IL12RB2: variants seen among roughly 807,000 people sequenced by gnomAD.
IL12RB2 encodes interleukin 12 receptor subunit beta 2, also known as interleukin-12 receptor subunit beta-2.
In IL12RB2, 82 loss-of-function variants were observed where a neutral mutation model predicts 89.4. That is an observed-to-expected ratio of 0.92 (90% CI 0.77 to 1.10). IL12RB2 has a LOEUF of 1.10. IL12RB2 is among the 50% of genes least tolerant of loss of function. IL12RB2 has a pLI of 0.00. For synonymous variants in IL12RB2, 368 were observed against 370.1 expected (o/e 0.99, Z 0.07); for missense variants, 963 against 1,031.9 (o/e 0.93, Z 0.92).
rs572505092 is a variant in IL12RB2 at position 67,338,336 on chromosome 1, C to CAAAAAAAA, written c.959-258_959-251dup. ...GAGGCAACAGAGCAAGATCCTGTCT[C>CAAAAAAAA]AAAAAAAAAAAAAAAAAAAAAAAAA... On this transcript the variant is annotated intron_variant, in intron 8 of 16. Transcript: ENST00000674203. 4.8e-3 allele frequency among the ~76,000 whole-genome samples: 192 copies of CAAAAAAAA among 40,110 alleles called. 5 individuals are homozygous for CAAAAAAAA. The highest frequency in any genetic ancestry group is 7.0e-3 in the Non-Finnish European group (125 of 17,760). 26.3% of individuals were successfully genotyped at this position (40,110 alleles called of 152,430 possible).
At chr1:67,319,983 T>C (rs965026303) in intron 2 of IL12RB2, among the ~76,000 whole-genome samples, 14 of 152,218 alleles carry the variant, frequency 9.2e-5, no homozygotes, top group Non-Finnish European at 1.6e-4. Context: ...CTGAATCTGC[T>C]GACCTCTTGA....
At position 67,330,703 on chromosome 1, in the gene IL12RB2, T is replaced by C. The variant is rs758288958; in HGVS notation, c.851T>C (p.Leu284Pro). The C allele has an allele frequency of 3.2e-6, 5 of 1,548,048 alleles. No homozygotes were observed. Among genetic ancestry groups the C allele is most frequent in the Non-Finnish European group, 4.5e-6 (5 of 1,119,830 alleles). ...AAAGGAAGACATGATTTGCTGGATC[T>C]GAAACCATTTACAGAATATGAATTT... ...KAKGRHDLLD[L>P]KPFTEYEFQI... is the part of the protein sequence containing the mutation. Residue 284 changes from leucine (L) to proline (P), a missense_variant, in exon 8 of 17, where the codon CTG becomes CCG. Leu to Pro is a moderately conservative substitution (Grantham distance 98). Transcript: ENST00000674203.
intron 10 of IL12RB2, among the ~76,000 whole-genome samples, chr1:67,364,327 G>T (rs1254294195): frequency 6.6e-6 from 1 of 152,156 alleles, no homozygotes; most frequent in Non-Finnish European, 1.5e-5. Context: ...GGGGGTGGAG[G>T]CTGCAGTAAG....
rs757366123 is a variant in IL12RB2, at chr1:67,320,357, A to C, written c.-12A>C. On this transcript the variant is annotated 5_prime_UTR_variant, in exon 3 of 17. Coordinates refer to ENST00000674203, the MANE Select transcript of IL12RB2 (RefSeq NM_001374259.2). Reference sequence around the variant, plus strand: ...GGAAGAATACGGAGTTCTATACCAGAGTTGATTGTTGATGGCACATACTTT... The same window carrying C: ...GGAAGAATACGGAGTTCTATACCAGCGTTGATTGTTGATGGCACATACTTT... 6.2e-7 allele frequency: 1 copy of C among 1,613,944 alleles called. No individual in the cohort carries two copies. The highest frequency in any genetic ancestry group is 1.1e-5 in the South Asian group (1 of 91,076).
intron 14 of IL12RB2, among the ~76,000 whole-genome samples, chr1:67,386,349 C>T (rs1331971274): frequency 6.6e-6 from 1 of 152,042 alleles, no homozygotes; most frequent in African/African-American, 2.4e-5. Flanking sequence ...TCTTTCTGAC[C>T]CTGTGAGTCG....
rs111985818 is a variant in IL12RB2 at position 67,391,388 on chromosome 1, T to TACACACAC, written c.2046+1270_2046+1277dup. ...GTGTGTGTGTGTGTGTGTGTGTCTA[T>TACACACAC]ACACACACACACACACAAACTGCTG... On this transcript the variant is annotated intron_variant, in intron 16 of 16. Coordinates refer to ENST00000674203, the MANE Select transcript of IL12RB2 (RefSeq NM_001374259.2). 3.8e-3 allele frequency among the ~76,000 whole-genome samples: 547 copies of TACACACAC among 144,418 alleles called. 3 individuals carry two copies. The highest frequency in any genetic ancestry group is 0.013 in the African/African-American group (513 of 39,202). 94.7% of individuals were successfully genotyped at this position (144,418 alleles called of 152,430 possible). A position where few individuals can be genotyped will look rare whatever the true frequency, so the allele number is the denominator to read the frequency against.
intron 10 of IL12RB2, among the ~76,000 whole-genome samples, chr1:67,353,426 C>T (rs1390570196): frequency 2.6e-5 from 4 of 152,096 alleles, no homozygotes; most frequent in Non-Finnish European, 5.9e-5. Context: ...TAAGATTAGT[C>T]AGCTGTGGTG....
chr1:67,310,678 G>A (rs1654928445), intron 1 of IL12RB2, among the ~76,000 whole-genome samples: 1 of 152,174 alleles, frequency 6.6e-6, no homozygotes, highest in Admixed American at 6.5e-5. Context: ...CTAACAGCTT[G>A]TCATTTAACC....
At chr1:67,326,933 T>G (rs1657381151) in intron 5 of IL12RB2, 84 bp downstream of exon 5, 1 of 972,832 alleles carries the variant, frequency 1.0e-6, no homozygotes, top group African/African-American at 1.8e-5. Context: ...CTTTATTTAT[T>G]TTTATTTTAT....
chr1:67,362,677 C>T (rs1354419132), intron 10 of IL12RB2, among the ~76,000 whole-genome samples: 1 of 150,656 alleles, frequency 6.6e-6, no homozygotes, highest in African/African-American at 2.4e-5. Context: ...AGCCCATCAA[C>T]CTAGCAGTCT....
In IL12RB2 at chr1:67,397,137, A is replaced by AC. The variant is rs544594500; in HGVS notation, c.*1048_*1049insC. Among the ~76,000 whole-genome samples the AC allele has an allele frequency of 6.6e-6, 1 of 152,182 alleles. No homozygotes were observed. The highest frequency in any genetic ancestry group is 2.4e-5 in the African/African-American group (1 of 41,514). ...GCAAGACTCTGTCTCAAAAAAGAAA[A>AC]AAAAAAAAAAGAATGTACCTTTTTC... is the stretch of plus-strand genomic sequence containing the variant. On this transcript the variant is annotated 3_prime_UTR_variant, in exon 17 of 17. Coordinates refer to ENST00000674203, the MANE Select transcript of IL12RB2 (RefSeq NM_001374259.2).
chr1:67,395,140 T>C (rs1666228239), intron 16 of IL12RB2, among the ~76,000 whole-genome samples: 1 of 151,966 alleles, frequency 6.6e-6, no homozygotes, highest in South Asian at 2.1e-4. Context: ...TGGTGGCACA[T>C]GCCTATAATC....
intron 8 of IL12RB2, among the ~76,000 whole-genome samples, chr1:67,334,012 C>T (rs1227165913): frequency 6.6e-6 from 1 of 152,158 alleles, no homozygotes; most frequent in Admixed American, 6.5e-5. Flanking sequence ...TTCATTCGTA[C>T]TTTGGAGGGG....
At chr1:67,338,136 C>T (rs1042162362) in intron 8 of IL12RB2, among the ~76,000 whole-genome samples, 7 of 150,882 alleles carry the variant, frequency 4.6e-5, no homozygotes, top group Non-Finnish European at 7.4e-5. Context: ...CAAGACCAGC[C>T]GGGGCAACAT....
At chr1:67,386,874 A>ATATATATT (rs1388216509) in intron 15 of IL12RB2, among the ~76,000 whole-genome samples, 71 of 15,766 alleles carry the variant, frequency 4.5e-3, no homozygotes, top group African/African-American at 1.0e-2. Flanking sequence ...AATGTATTTT[A>ATATATATT]TATATATATA....
chr1:67,363,976 C>T (rs1362775199), intron 10 of IL12RB2, among the ~76,000 whole-genome samples: 1 of 152,172 alleles, frequency 6.6e-6, no homozygotes, highest in Non-Finnish European at 1.5e-5. Flanking sequence ...ACATATTACT[C>T]CAACTCCATC....
chr1:67,391,878 C>T (rs1259914210), intron 16 of IL12RB2, among the ~76,000 whole-genome samples: 4 of 152,048 alleles, frequency 2.6e-5, no homozygotes, highest in African/African-American at 4.8e-5. Context: ...CTCCTGACCT[C>T]GTGATCCACC....
chr1:67,367,934 G>A lies in IL12RB2; in HGVS notation c.1368G>A (p.Val456=). ...CCTCTGCTGTTCAGGAGTACGTGGT[G>A]GAATGGAGAGAGCTCCATCCAGGGG... The part of the protein sequence containing the change: ...KDPSAVQEYV[V]EWRELHPGGD... The change falls in exon 11 of 17, where the codon GTG becomes GTA. Residue 456 remains valine (V), a synonymous_variant. Coordinates refer to ENST00000674203, the MANE Select transcript of IL12RB2 (RefSeq NM_001374259.2). 1 of 1,604,806 alleles carries A rather than the reference G, an allele frequency of 6.2e-7. No homozygotes were observed. The highest frequency in any genetic ancestry group is 1.1e-5 in the South Asian group (1 of 90,932).
At chr1:67,385,874 AC>A (rs1665077292) in intron 14 of IL12RB2, among the ~76,000 whole-genome samples, 1 of 152,178 alleles carries the variant, frequency 6.6e-6, no homozygotes, top group South Asian at 2.1e-4. Context: ...CTTCATGACA[AC>A]CAGCAAGGTA....
Sources: allele counts gnomAD v4.1 joint callset (sites outside exome capture counted in the v4.1 genomes callset), GRCh38; gene constraint gnomAD v4.1.1; transcripts MANE v1.5; gene names NCBI Gene and HGNC (gene_info 2026-07-23, HGNC 2026-07-21).